The following ARL6IP5 variants were observed in gnomAD, a reference collection of about 807,000 sequenced individuals.
ARL6IP5 encodes the protein PRA1 family protein 3.
Under a neutral mutation model 13.0 loss-of-function variants are expected in ARL6IP5, and 6 were observed. The observed-to-expected ratio is 0.46, with a 90% CI of 0.25 to 0.91. The LOEUF is 0.91. Ranked by LOEUF, ARL6IP5 falls within the 40% of genes least tolerant of loss-of-function variation. The pLI, the probability that ARL6IP5 is intolerant of heterozygous loss-of-function variation, is 0.17. For missense variants in ARL6IP5, 208 were observed against 248.8 expected (o/e 0.84, Z 1.10); for synonymous variants, 91 against 91.9 (o/e 0.99, Z 0.06).
chr3:69,085,331 T>C, intron 1 of ARL6IP5, 108 bp downstream of exon 1: 1 of 1,373,726 alleles, frequency 7.3e-7, no homozygotes, highest in Non-Finnish European at 9.8e-7. Context: ...GCTCAGCGCC[T>C]GCCCTGGCAA....
chr3:69,094,288 A>T (rs1247418356), intron 1 of ARL6IP5, among the ~76,000 whole-genome samples: 2 of 152,116 alleles, frequency 1.3e-5, no homozygotes. Context: ...TGGCTTGTGG[A>T]GTGTGTGACC....
At chr3:69,100,596 A>G (rs1237745182) in intron 1 of ARL6IP5, among the ~76,000 whole-genome samples, 2 of 152,086 alleles carry the variant, frequency 1.3e-5, no homozygotes, top group East Asian at 3.9e-4. Context: ...CCTGGCCAAC[A>G]TGGCAAAATC....
chr3:69,090,158 G>A (rs1223951890), intron 1 of ARL6IP5, among the ~76,000 whole-genome samples: 3 of 152,124 alleles, frequency 2.0e-5, no homozygotes, highest in African/African-American at 4.8e-5. Flanking sequence ...GTTGGTAGAG[G>A]AAAAAAAGCG....
chr3:69,086,041 C>G (rs2092246477), intron 1 of ARL6IP5, among the ~76,000 whole-genome samples: 1 of 152,206 alleles, frequency 6.6e-6, no homozygotes, highest in Admixed American at 6.5e-5. Flanking sequence ...TGGTGATATT[C>G]TCAATCTTGC....
Position 69,085,216 on chromosome 3 carries a change from A to G in ARL6IP5, c.169A>G (p.Ile57Val), listed in dbSNP as rs199950458. Reference sequence around the variant, plus strand: ...GGTGGTGGCTGCCATGATGATTTCCATTGTGGGGTAAGTGGGGTCCCCCTA... The same window carrying G: ...GGTGGTGGCTGCCATGATGATTTCCGTTGTGGGGTAAGTGGGGTCCCCCTA... ...YLVVAAMMIS[I>V]VGFLSPFNMI... Residue 57 changes from isoleucine (I) to valine (V), a missense_variant, in exon 1 of 3, where the codon ATT becomes GTT. Ile to Val is a conservative substitution (Grantham distance 29). Coordinates refer to ENST00000273258, the MANE Select transcript of ARL6IP5 (RefSeq NM_006407.4). The G allele has an allele frequency of 1.2e-6, 2 of 1,612,960 alleles. No homozygotes were observed. Among genetic ancestry groups the G allele is most frequent in the Admixed American group, 1.7e-5 (1 of 59,960 alleles).
chr3:69,102,091 A>T (rs917041552), intron 2 of ARL6IP5, 35 bp downstream of exon 2: 1 of 1,589,834 alleles, frequency 6.3e-7, no homozygotes, highest in Non-Finnish European at 8.6e-7. Flanking sequence ...CCATCATCAA[A>T]AAAATGTAGA....
chr3:69,102,275 A>G (rs181441530), intron 2 of ARL6IP5: 102 of 578,056 alleles, frequency 1.8e-4, no homozygotes, highest in South Asian at 1.0e-3. Flanking sequence ...TAATTCCACA[A>G]ATATTTGTTG....
chr3:69,095,509 T>G (rs2107512837), intron 1 of ARL6IP5, among the ~76,000 whole-genome samples: 2 of 151,468 alleles, frequency 1.3e-5, no homozygotes, highest in Middle Eastern at 3.4e-3. Context: ...CGTTCTTTTT[T>G]TTTTTTTTGA....
chr3:69,086,797 A>T (rs1394712961), intron 1 of ARL6IP5, among the ~76,000 whole-genome samples: 2 of 143,200 alleles, frequency 1.4e-5, no homozygotes, highest in Non-Finnish European at 1.5e-5. Context: ...ATCTCGTCTC[A>T]CTACAACCTT....
At chr3:69,096,861 CAA>C (rs902792438) in intron 1 of ARL6IP5, among the ~76,000 whole-genome samples, 30 of 152,008 alleles carry the variant, frequency 2.0e-4, no homozygotes, top group Non-Finnish European at 8.8e-5. Flanking sequence ...CTCAGCCTCC[CAA>C]AGTGCTGGGA....
At chr3:69,095,172 G>A (rs1280391722) in intron 1 of ARL6IP5, among the ~76,000 whole-genome samples, 1 of 152,108 alleles carries the variant, frequency 6.6e-6, no homozygotes, top group African/African-American at 2.4e-5. Context: ...CTTTGGATAT[G>A]TTTCTTCTCT....
chr3:69,087,226 T>A (rs2092251399), intron 1 of ARL6IP5, among the ~76,000 whole-genome samples: 1 of 151,950 alleles, frequency 6.6e-6, no homozygotes, highest in Non-Finnish European at 1.5e-5. Context: ...TTGCCCAGGC[T>A]GGTCTTGACT....
chr3:69,104,701 ATGTTCTGCTTGCGTTT>A lies in ARL6IP5; in HGVS notation c.*67_*82del. ...TTGCAGCTTGCCCTTGTCCAGACCT[ATGTTCTGCTTGCGTTT>A]TTGAAACAGGAGGTGCACGTACCAC... is the stretch of plus-strand genomic sequence containing the variant. On this transcript the variant is annotated 3_prime_UTR_variant, in exon 3 of 3. Coordinates refer to ENST00000273258, the MANE Select transcript of ARL6IP5 (RefSeq NM_006407.4). 6.4e-7 allele frequency: 1 copy of A among 1,573,132 alleles called. No homozygotes were observed. Among genetic ancestry groups the A allele is most frequent in the East Asian group, 2.3e-5 (1 of 44,248 alleles).
chr3:69,104,024 C>T (rs1004480904), intron 2 of ARL6IP5, among the ~76,000 whole-genome samples: 10 of 152,132 alleles, frequency 6.6e-5, no homozygotes, highest in African/African-American at 2.4e-4. Flanking sequence ...TAAAAGTGGA[C>T]TTTACTCACG....
chr3:69,102,073 T>C lies in ARL6IP5; in HGVS notation c.394+17T>C, dbSNP rs748862780. 1 of 1,607,894 alleles carries C rather than the reference T, an allele frequency of 6.2e-7. No individual in the cohort carries two copies. Among genetic ancestry groups the C allele is most frequent in the East Asian group, 2.2e-5 (1 of 44,792 alleles). Reference sequence around the variant, plus strand: ...CTTTGCTGTGTAAGTGAACTTGAGTTTTTTCTTCCATCATCAAAAAAATGT... The same window carrying C: ...CTTTGCTGTGTAAGTGAACTTGAGTCTTTTCTTCCATCATCAAAAAAATGT... On this transcript the variant is annotated intron_variant, in intron 2 of 2. Transcript: ENST00000273258.
chr3:69,091,371 A>G (rs1309622434), intron 1 of ARL6IP5, among the ~76,000 whole-genome samples: 1 of 151,976 alleles, frequency 6.6e-6, no homozygotes, highest in African/African-American at 2.4e-5. Context: ...ATGGCTCACT[A>G]CAGCCTCTAC....
intron 1 of ARL6IP5, among the ~76,000 whole-genome samples, chr3:69,094,240 C>G (rs2092279667): frequency 6.6e-6 from 1 of 152,134 alleles, no homozygotes; most frequent in Non-Finnish European, 1.5e-5. Context: ...GCACTTCTTC[C>G]TCTCCTAGCA....
chr3:69,086,971 T>C (rs891501957), intron 1 of ARL6IP5, among the ~76,000 whole-genome samples: 14 of 152,126 alleles, frequency 9.2e-5, no homozygotes, highest in Non-Finnish European at 1.9e-4. Flanking sequence ...GTGCTGGGAT[T>C]ACAGGCGTGA....
chr3:69,101,770 CCT>C (rs2092305969), intron 1 of ARL6IP5, 67 bp from the exon 2 acceptor site: 1 of 1,318,150 alleles, frequency 7.6e-7, no homozygotes, highest in Non-Finnish European at 1.1e-6. Flanking sequence ...TGTTTTTACT[CCT>C]CTTTCTCCTT....
Sources: allele counts gnomAD v4.1 joint callset (sites outside exome capture counted in the v4.1 genomes callset), GRCh38; gene constraint gnomAD v4.1.1; transcripts MANE v1.5; gene names NCBI Gene and HGNC (gene_info 2026-07-23, HGNC 2026-07-21).